C1QTNF8: variants seen among roughly 807,000 people sequenced by gnomAD.
The protein encoded by C1QTNF8 is C1q and TNF related 8.
In C1QTNF8, 27 loss-of-function variants were observed where a neutral mutation model predicts 19.2. The observed-to-expected ratio is 1.41, with a 90% confidence interval of 1.04 to 1.94. C1QTNF8 has a LOEUF of 1.94. Among genes scored for constraint, C1QTNF8 ranks in the 30% most tolerant of loss-of-function variants. C1QTNF8 has a pLI of 0.00. For synonymous variants in C1QTNF8, 208 were observed against 172.8 expected, an observed-to-expected ratio of 1.20 and a Z score of -1.60; for missense variants, 484 against 374.4, an observed-to-expected ratio of 1.29 and a Z score of -2.42.
At chr16:1,091,493 G>A (rs2151564591) in intron 4 of C1QTNF8, among the ~76,000 whole-genome samples, 1 of 152,246 alleles carries the variant, frequency 6.6e-6, no homozygotes, top group African/African-American at 2.4e-5. Flanking sequence ...GAGCTTCCGG[G>A]AGGGGCCACA....
Position 1,094,782 on chromosome 16 carries a change from C to T in C1QTNF8, c.141G>A (p.Leu47=), listed in dbSNP as rs768219778. The change falls in exon 3 of 5, where the codon CTG becomes CTA. Residue 47 remains leucine, a synonymous_variant. Transcript: ENST00000328449. ...GCCCCCTCCACAGGTCCCCCCTCCA[C>T]AGGTCCCTGTCACTCACCCGGGCAT... is the stretch of plus-strand genomic sequence containing the variant. The part of the protein sequence containing the change: ...GPYARVSDRD[L]WRGDLWRGLP... 1.3e-6 allele frequency: 2 copies of T among 1,542,456 alleles called. No homozygotes were observed. The highest frequency in any genetic ancestry group is 2.8e-5 in the African/African-American group (2 of 70,788).
In C1QTNF8 at chr16:1,093,981, C is replaced by A; in HGVS notation, c.279G>T (p.Arg93=). 3 of 1,468,090 alleles carry A rather than the reference C, an allele frequency of 2.0e-6. No individual in the cohort carries two copies. The highest frequency in any genetic ancestry group is 8.9e-7 in the Non-Finnish European group (1 of 1,125,490). 90.9% of individuals were successfully genotyped at this position (1,468,090 alleles called of 1,614,324 possible). A position where few individuals can be genotyped will look rare whatever the true frequency, so the allele number is the denominator to read the frequency against. Reference sequence around the variant, plus strand: ...TCTGGCCTCTGCGGCCCTGCAGGCCCCGGGCGCCTGGCGGCCCCTCTTTCC... The same window carrying A: ...TCTGGCCTCTGCGGCCCTGCAGGCCACGGGCGCCTGGCGGCCCCTCTTTCC... ...RSGKEGPPGA[R]GLQGRRGQKG... Residue 93 remains arginine, a synonymous_variant, in exon 4 of 5, where the codon CGG becomes CGT. Coordinates refer to ENST00000328449, the MANE Select transcript of C1QTNF8 (RefSeq NM_207419.3).
Position 1,088,792 on chromosome 16 carries a change from C to T in C1QTNF8, c.*1807G>A, listed in dbSNP as rs1960484819. ...ACCCCTGCCCGCCTGACCCCTGCTG[C>T]AGCCCGACCCCTGCCCGCCTGACCC... On this transcript the variant is annotated 3_prime_UTR_variant, in exon 5 of 5. Coordinates refer to ENST00000328449, the MANE Select transcript of C1QTNF8 (RefSeq NM_207419.3). Among the ~76,000 whole-genome samples, 1 of 152,092 alleles carries T rather than the reference C, an allele frequency of 6.6e-6. No homozygotes were observed. Among genetic ancestry groups the T allele is most frequent in the African/African-American group, 2.4e-5 (1 of 41,426 alleles).
In C1QTNF8 at chr16:1,090,083, A is replaced by C. The variant is rs1350490049; in HGVS notation, c.*516T>G. 6.6e-6 allele frequency: 1 copy of C among 152,476 alleles called. No individual in the cohort carries two copies. The allele number at this position is 152,476 out of a possible 1,614,324, so 9.4% of individuals were successfully genotyped here. On this transcript the variant is annotated 3_prime_UTR_variant, in exon 5 of 5. Coordinates refer to ENST00000328449, the MANE Select transcript of C1QTNF8 (RefSeq NM_207419.3). ...CCTGTCTCTAGCAGGGCCAGGGTTC[A>C]CCAGCCACGGCCACCGGCCCCAGCC...
intron 1 of C1QTNF8, 148 bp from the exon 2 acceptor site, chr16:1,095,936 GC>G (rs1409251779): frequency 1.3e-5 from 2 of 152,314 alleles, no homozygotes; most frequent in Non-Finnish European, 2.9e-5. Context: ...GGCAGAGGGA[GC>G]CTGGCAGGAG....
At chr16:1,094,579 G>A in intron 3 of C1QTNF8, 136 bp downstream of exon 3, 3 of 636,030 alleles carry the variant, frequency 4.7e-6, no homozygotes, top group South Asian at 4.9e-5. Flanking sequence ...TCCCTGTGCA[G>A]GGAGCGCTGC....
chr16:1,093,835 A>G lies in C1QTNF8; in HGVS notation c.425T>C (p.Leu142Pro), dbSNP rs1192399656. Residue 142 changes from leucine to proline, a missense_variant, in exon 4 of 5, where the codon CTG becomes CCG. Leu to Pro is a moderately conservative substitution (Grantham distance 98). Transcript: ENST00000328449. ...HFQAVPFDTE[L>P]VNLDGAFDLA... Reference sequence around the variant, plus strand: ...GTCGAAGGCGCCGTCCAGGTTCACCAGCTCCGTGTCGAAGGGCACCGCCTG... The same window carrying G: ...GTCGAAGGCGCCGTCCAGGTTCACCGGCTCCGTGTCGAAGGGCACCGCCTG... 3.7e-6 allele frequency: 6 copies of G among 1,607,916 alleles called. No individual in the cohort carries two copies. The East Asian group carries it at 1.3e-4, about 36-fold the overall frequency.
intron 4 of C1QTNF8, among the ~76,000 whole-genome samples, chr16:1,091,070 T>G: frequency 6.7e-6 from 1 of 149,172 alleles, no homozygotes; most frequent in Non-Finnish European, 1.5e-5. Flanking sequence ...GGGGAGGGAG[T>G]GGGGGCAGGG....
intron 3 of C1QTNF8, 104 bp from the exon 4 acceptor site, chr16:1,094,155 C>G: frequency 2.1e-6 from 2 of 942,238 alleles, no homozygotes; most frequent in Non-Finnish European, 2.9e-6. Flanking sequence ...ACTGTAAGGA[C>G]ACACTCTTTG....
At chr16:1,091,142 G>A (rs1410414174) in intron 4 of C1QTNF8, among the ~76,000 whole-genome samples, 1 of 152,160 alleles carries the variant, frequency 6.6e-6, no homozygotes, top group Non-Finnish European at 1.5e-5. Flanking sequence ...TCCCAGAGTG[G>A]ACAAGGATCA....
chr16:1,094,095 C>T (rs1449477068), intron 3 of C1QTNF8, 44 bp from the exon 4 acceptor site: 1 of 1,367,870 alleles, frequency 7.3e-7, no homozygotes, highest in Non-Finnish European at 9.4e-7. Flanking sequence ...CCGGGCTGGG[C>T]AGGCCTCCCC....
At position 1,088,865 on chromosome 16, in the gene C1QTNF8, G is replaced by A. The variant is rs1385206896; in HGVS notation, c.*1734C>T. Among the ~76,000 whole-genome samples, 3 of 75,762 alleles carry A rather than the reference G, an allele frequency of 4.0e-5. No homozygotes were observed. The highest frequency in any genetic ancestry group is 2.2e-4 in the East Asian group (1 of 4,644). 49.7% of individuals were successfully genotyped at this position (75,762 alleles called of 152,430 possible). On this transcript the variant is annotated 3_prime_UTR_variant, in exon 5 of 5. Coordinates refer to ENST00000328449, the MANE Select transcript of C1QTNF8 (RefSeq NM_207419.3). ...GCTGCAACTACCTATAGGCCACGGC[G>A]ACGTCTGTGCGGGGAGGTCCAGCCT...
intron 4 of C1QTNF8, among the ~76,000 whole-genome samples, chr16:1,092,026 T>G (rs1960555835): frequency 6.6e-6 from 1 of 152,156 alleles, no homozygotes; most frequent in Non-Finnish European, 1.5e-5. Context: ...GAATGGCCCC[T>G]CGGCCGTGAG....
intron 2 of C1QTNF8, 137 bp from the exon 3 acceptor site, chr16:1,095,070 T>A (rs1315971810): frequency 2.4e-5 from 10 of 418,498 alleles, no homozygotes; most frequent in Non-Finnish European, 3.7e-5. Flanking sequence ...GCACGGACGG[T>A]CCTGGCCCAG....
At chr16:1,094,625 C>G (rs1397780819) in intron 3 of C1QTNF8, 90 bp downstream of exon 3, 9 of 1,104,966 alleles carry the variant, frequency 8.1e-6, no homozygotes, top group Non-Finnish European at 1.2e-5. Flanking sequence ...GCCCCTCCCG[C>G]CCCTCCTCCC....
rs1960651414 is a variant in C1QTNF8, at chr16:1,094,846, C to T, written c.77G>A (p.Cys26Tyr). Residue 26 changes from cysteine (C) to tyrosine (Y), a missense_variant, in exon 3 of 5, where the codon TGT (cysteine) becomes TAT (tyrosine). Cys to Tyr is a radical substitution (Grantham distance 194). Transcript: ENST00000328449. The part of the protein sequence containing the change: ...GAWPGLPRRP[C>Y]VHCCRPAWPP... ...CCAGGCCGGGCGGCAGCAGTGCACA[C>T]AGGGCCTCCTGGGCAGCCCGGGCCA... 6.9e-7 allele frequency: 1 copy of T among 1,441,220 alleles called. No homozygotes were observed. Among genetic ancestry groups the T allele is most frequent in the Non-Finnish European group, 9.1e-7 (1 of 1,095,098 alleles). The allele number at this position is 1,441,220 out of a possible 1,614,324, so 89.3% of individuals were successfully genotyped here.
chr16:1,094,446 GGCT>G, intron 3 of C1QTNF8: 1 of 483,102 alleles, frequency 2.1e-6, no homozygotes, highest in Non-Finnish European at 3.6e-6. Context: ...CTTCCCAAGG[GGCT>G]GCTACTTTGG....
chr16:1,092,245 G>GTCCCTGCACACAGTCGGCACTCAATCAA (rs1960560481), intron 4 of C1QTNF8, among the ~76,000 whole-genome samples: 1 of 152,164 alleles, frequency 6.6e-6, no homozygotes, highest in Non-Finnish European at 1.5e-5. Context: ...ACATGGCCCA[G>GTCCCTGCACACAGTCGGCACTCAATCAA]TCCCTGCACA....
chr16:1,094,983 G>T, intron 2 of C1QTNF8, 50 bp from the exon 3 acceptor site: 2 of 842,500 alleles, frequency 2.4e-6, no homozygotes, highest in Non-Finnish European at 3.3e-6. Flanking sequence ...GCCCCAGCTG[G>T]AGCCCCCAGA....
Sources: gnomAD v4.1 joint callset for allele counts (sites outside exome capture counted in the v4.1 genomes callset) on GRCh38, gnomAD v4.1.1 for gene constraint, MANE v1.5 for transcripts, NCBI Gene and HGNC (gene_info 2026-07-23, HGNC 2026-07-21) for gene names.